The following GRIK2 variants were observed in gnomAD, a reference collection of about 807,000 sequenced individuals.
GRIK2 encodes glutamate receptor ionotropic, kainate 2.
GRIK2 carries 32 observed loss-of-function variants against 100.3 expected under a neutral mutation model. The ratio of observed to expected loss-of-function variants is 0.32; its 90% CI spans 0.24 to 0.43. GRIK2 has a LOEUF of 0.43. Among genes scored for constraint, GRIK2 ranks in the 20% least tolerant of loss-of-function variants. The pLI, the probability that GRIK2 is intolerant of heterozygous loss-of-function variation, is 1.00. For missense variants in GRIK2, 843 were observed against 1,114.9 expected, an observed-to-expected ratio of 0.76 and a Z score of 3.47; for synonymous variants, 417 against 389.4, an observed-to-expected ratio of 1.07 and a Z score of -0.83.
intron 2 of GRIK2, among the ~76,000 whole-genome samples, chr6:101,571,331 A>T (rs1460539441): frequency 6.6e-6 from 1 of 152,088 alleles, no homozygotes; most frequent in Non-Finnish European, 1.5e-5. Context: ...TAATAATAAT[A>T]AAAATAATAA....
intron 14 of GRIK2, among the ~76,000 whole-genome samples, chr6:102,031,076 TACACACACACACACACACACAC>T (rs55900001): frequency 1.4e-4 from 17 of 118,320 alleles, no homozygotes; most frequent in South Asian, 3.0e-4. Context: ...TATTATGCAT[TACACACACACACACACACACAC>T]ACACACACAC....
At chr6:102,046,354 T>C (rs1396816750) in intron 15 of GRIK2, among the ~76,000 whole-genome samples, 1 of 152,118 alleles carries the variant, frequency 6.6e-6, no homozygotes, top group Non-Finnish European at 1.5e-5. Context: ...AAATCTCATG[T>C]AGAATTGTAA....
intron 2 of GRIK2, among the ~76,000 whole-genome samples, chr6:101,605,446 G>T: frequency 6.7e-6 from 1 of 150,254 alleles, no homozygotes; most frequent in Non-Finnish European, 1.5e-5. Context: ...TCCAATATCT[G>T]TCCATATTAA....
At chr6:101,777,066 A>T (rs1308538510) in intron 7 of GRIK2, among the ~76,000 whole-genome samples, 1 of 152,224 alleles carries the variant, frequency 6.6e-6, no homozygotes, top group African/African-American at 2.4e-5. Context: ...GTATTATCTC[A>T]TGCAGTCTGT....
intron 5 of GRIK2, among the ~76,000 whole-genome samples, chr6:101,678,328 T>C (rs1770989906): frequency 6.6e-6 from 1 of 152,154 alleles, no homozygotes; most frequent in Non-Finnish European, 1.5e-5. Context: ...ATGTGTTCTT[T>C]GCAAACATGC....
chr6:101,821,439 C>A (rs760864016), intron 10 of GRIK2, among the ~76,000 whole-genome samples: 8 of 151,998 alleles, frequency 5.3e-5, no homozygotes, highest in Non-Finnish European at 1.0e-4. Context: ...TTAATTTTCA[C>A]AGGTAACACA....
rs562705481 is a variant in GRIK2, at chr6:101,671,788, C to T, written c.542-4835C>T. Among the ~76,000 whole-genome samples the T allele has an allele frequency of 1.1e-4, 16 of 152,210 alleles. No individual in the cohort carries two copies. In the East Asian group the frequency reaches 1.9e-3, roughly 18 times the overall value. On this transcript the variant is annotated intron_variant, in intron 4 of 16. Coordinates refer to ENST00000369134, the MANE Select transcript of GRIK2 (RefSeq NM_021956.5). Reference sequence around the variant, plus strand: ...CTGAGGCAGGAGAATTGTTTGAACCCAGGAGGCGGAGGTTGTAGTGAGCCA... The same window carrying T: ...CTGAGGCAGGAGAATTGTTTGAACCTAGGAGGCGGAGGTTGTAGTGAGCCA...
At chr6:101,656,397 A>G (rs1769178374) in intron 4 of GRIK2, among the ~76,000 whole-genome samples, 1 of 152,040 alleles carries the variant, frequency 6.6e-6, no homozygotes, top group South Asian at 2.1e-4. Context: ...AAATATTTAA[A>G]TGTTCTAAAA....
intron 9 of GRIK2, among the ~76,000 whole-genome samples, chr6:101,812,321 A>G (rs1781382704): frequency 1.3e-5 from 2 of 151,844 alleles, no homozygotes; most frequent in South Asian, 2.1e-4. Flanking sequence ...TTCAATAAAT[A>G]TTCATTGGAT....
chr6:101,423,223 A>G (rs1776504056), intron 2 of GRIK2, among the ~76,000 whole-genome samples: 1 of 152,230 alleles, frequency 6.6e-6, no homozygotes, highest in African/African-American at 2.4e-5. Flanking sequence ...CAGTGACTCT[A>G]ATGAGCTCAC....
chr6:101,535,697 A>T (rs973541120), intron 2 of GRIK2, among the ~76,000 whole-genome samples: 4 of 151,802 alleles, frequency 2.6e-5, no homozygotes, highest in Non-Finnish European at 5.9e-5. Context: ...TTGTTGTATT[A>T]TAATTATATA....
At chr6:101,625,638 T>A (rs1004991307) in intron 3 of GRIK2, among the ~76,000 whole-genome samples, 4 of 152,154 alleles carry the variant, frequency 2.6e-5, no homozygotes, top group African/African-American at 7.2e-5. Context: ...TCTATTTTAA[T>A]CTGAATACCC....
chr6:101,968,362 A>AT (rs1562074451), intron 14 of GRIK2, among the ~76,000 whole-genome samples: 2 of 151,928 alleles, frequency 1.3e-5, no homozygotes, highest in African/African-American at 2.4e-5. Context: ...AGTTAAAGCA[A>AT]TTTTTTTCTT....
At chr6:101,686,916 G>C (rs1771742407) in intron 7 of GRIK2, among the ~76,000 whole-genome samples, 1 of 151,998 alleles carries the variant, frequency 6.6e-6, no homozygotes, top group African/African-American at 2.4e-5. Flanking sequence ...ATATAACTTA[G>C]TTGTTTATGC....
At chr6:101,740,056 G>A (rs886777196) in intron 7 of GRIK2, among the ~76,000 whole-genome samples, 4 of 152,178 alleles carry the variant, frequency 2.6e-5, no homozygotes, top group African/African-American at 9.7e-5. Flanking sequence ...ATGATATGGT[G>A]GAGAAAGGGA....
At chr6:101,692,039 C>CAAAAAAAAAAAAAA (rs60210939) in intron 7 of GRIK2, among the ~76,000 whole-genome samples, 1 of 78,390 alleles carries the variant, frequency 1.3e-5, no homozygotes, top group African/African-American at 4.9e-5. Flanking sequence ...CACCCCGTCT[C>CAAAAAAAAAAAAAA]AAAAAAAAAA....
At position 102,035,575 on chromosome 6, in the gene GRIK2, T is replaced by C. The variant is rs952542780; in HGVS notation, c.2311+9T>C. 6.9e-7 allele frequency: 1 copy of C among 1,448,236 alleles called. No homozygotes were observed. Among genetic ancestry groups the C allele is most frequent in the Non-Finnish European group, 9.7e-7 (1 of 1,030,880 alleles). 89.7% of individuals were successfully genotyped at this position (1,448,236 alleles called of 1,614,324 possible). A position where few individuals can be genotyped will look rare whatever the true frequency, so the allele number is the denominator to read the frequency against. On this transcript the variant is annotated intron_variant, in intron 15 of 16. Coordinates refer to ENST00000369134, the MANE Select transcript of GRIK2 (RefSeq NM_021956.5). ...CGTTGGCACTCCCATGGGTAGGTTA[T>C]ATGTCAGCTCTTTGTTCTTTGTTCA... is the stretch of plus-strand genomic sequence containing the variant.
Position 101,700,768 on chromosome 6 carries a change from G to C in GRIK2, c.951+14415G>C, listed in dbSNP as rs368655932. Among the ~76,000 whole-genome samples, 532 of 152,200 alleles carry C rather than the reference G, an allele frequency of 3.5e-3. 5 individuals are homozygous for C. Among genetic ancestry groups the C allele is most frequent in the Middle Eastern group, 0.014 (4 of 294 alleles). ...TGCTTCCAGGAAGGCATATCTGGTG[G>C]CTCTGTGTGAATGCATAAGACACAC... On this transcript the variant is annotated intron_variant, in intron 7 of 16. Transcript: ENST00000369134.
chr6:101,728,082 T>C (rs941077140), intron 7 of GRIK2, among the ~76,000 whole-genome samples: 1 of 152,070 alleles, frequency 6.6e-6, no homozygotes, highest in Non-Finnish European at 1.5e-5. Flanking sequence ...AATTATTTTA[T>C]TGAGATAATC....
Sources: gnomAD v4.1 joint callset for allele counts (sites outside exome capture counted in the v4.1 genomes callset) on GRCh38, gnomAD v4.1.1 for gene constraint, MANE v1.5 for transcripts, NCBI Gene and HGNC (gene_info 2026-07-23, HGNC 2026-07-21) for gene names.